NR2F1-AS1: variants seen among roughly 807,000 people sequenced by gnomAD.
NR2F1-AS1 encodes the protein NR2F1 antisense RNA 1.
chr5:93,433,034 A>G (rs781510281), intron 4 of NR2F1-AS1, among the ~76,000 whole-genome samples: 24 of 152,154 alleles, frequency 1.6e-4, no homozygotes, highest in Admixed American at 1.3e-4. Flanking sequence ...GCATTATTCA[A>G]CTTTTAGTAA....
At chr5:93,584,537 C>A (rs1160875360), upstream of NR2F1-AS1, 2 of 149,210 alleles carry the variant, frequency 1.3e-5, no homozygotes, top group African/African-American at 4.9e-5. Flanking sequence ...CGCCCCGCGC[C>A]GCTCCCGGCT....
intron 1 of NR2F1-AS1, among the ~76,000 whole-genome samples, chr5:93,574,747 G>C (rs760464952): frequency 1.3e-5 from 2 of 151,972 alleles, no homozygotes; most frequent in Non-Finnish European, 2.9e-5. Context: ...AAGCCCAACA[G>C]GTCCAGGATT....
chr5:93,501,702 T>C (rs919091670), intron 4 of NR2F1-AS1, among the ~76,000 whole-genome samples: 9 of 152,224 alleles, frequency 5.9e-5, no homozygotes, highest in Non-Finnish European at 1.0e-4. Flanking sequence ...GATGCTATTA[T>C]ATGTACATTG....
intron 4 of NR2F1-AS1, chr5:93,542,052 T>C (rs1217320270): frequency 3.3e-5 from 5 of 150,486 alleles, no homozygotes; most frequent in African/African-American, 2.5e-5. Flanking sequence ...ATTTTATTCA[T>C]TGTGCATTTT....
chr5:93,557,436 T>A (rs1752382858), intron 2 of NR2F1-AS1, among the ~76,000 whole-genome samples: 2 of 152,186 alleles, frequency 1.3e-5, no homozygotes, highest in African/African-American at 4.8e-5. Flanking sequence ...AAAGCAAACA[T>A]TGCACAAAGC....
chr5:93,465,764 G>A (rs1401227038), intron 4 of NR2F1-AS1, among the ~76,000 whole-genome samples: 1 of 152,158 alleles, frequency 6.6e-6, no homozygotes, highest in Non-Finnish European at 1.5e-5. Context: ...ATGAGTTCAT[G>A]TCCTTTGCAG....
At chr5:93,413,445 C>G (rs1458850495) in intron 4 of NR2F1-AS1, among the ~76,000 whole-genome samples, 1 of 152,052 alleles carries the variant, frequency 6.6e-6, no homozygotes, top group Non-Finnish European at 1.5e-5. Context: ...GCTCTCTCAT[C>G]TCTTCAGGGT....
At chr5:93,535,672 T>G (rs1751823843) in intron 4 of NR2F1-AS1, among the ~76,000 whole-genome samples, 1 of 152,126 alleles carries the variant, frequency 6.6e-6, no homozygotes, top group African/African-American at 2.4e-5. Context: ...CAGGTGGGAT[T>G]CATCGTAGAG....
chr5:93,484,224 G>C (rs190032751), intron 4 of NR2F1-AS1, among the ~76,000 whole-genome samples: 2,290 of 152,260 alleles, frequency 0.015, 20 homozygotes, highest in Non-Finnish European at 0.021. Context: ...ACCCACAAAG[G>C]GAAGCCCATC....
At chr5:93,550,206 C>T (rs1016620899) in intron 4 of NR2F1-AS1, among the ~76,000 whole-genome samples, 1 of 151,930 alleles carries the variant, frequency 6.6e-6, no homozygotes, top group Non-Finnish European at 1.5e-5. Flanking sequence ...TTTTCTACTA[C>T]TCAGTTGCCA....
At chr5:93,550,284 AC>A (rs1341391572) in intron 4 of NR2F1-AS1, among the ~76,000 whole-genome samples, 1 of 151,928 alleles carries the variant, frequency 6.6e-6, no homozygotes, top group Admixed American at 6.6e-5. Context: ...AGCAGAGTTG[AC>A]CCCCTTCATT....
At chr5:93,445,606 A>T (rs960397219) in intron 4 of NR2F1-AS1, among the ~76,000 whole-genome samples, 15 of 152,212 alleles carry the variant, frequency 9.9e-5, no homozygotes, top group African/African-American at 3.6e-4. Flanking sequence ...TTCACAGCCG[A>T]ATTCTACCAG....
At chr5:93,513,994 A>C (rs911045438) in intron 4 of NR2F1-AS1, among the ~76,000 whole-genome samples, 1 of 152,124 alleles carries the variant, frequency 6.6e-6, no homozygotes, top group African/African-American at 2.4e-5. Context: ...CATTAATTCT[A>C]ATTACAATAG....
chr5:93,489,877 TG>T (rs1209763579), intron 4 of NR2F1-AS1, among the ~76,000 whole-genome samples: 1 of 152,190 alleles, frequency 6.6e-6, no homozygotes, highest in African/African-American at 2.4e-5. Context: ...GTCAGATGTT[TG>T]GTCTAGATCT....
chr5:93,458,778 G>C (rs1022213997), intron 4 of NR2F1-AS1, among the ~76,000 whole-genome samples: 4 of 152,168 alleles, frequency 2.6e-5, no homozygotes, highest in African/African-American at 9.7e-5. Context: ...GGGAGGCCGA[G>C]GAGAGTGGAT....
At chr5:93,496,113 A>T (rs1750954838) in intron 4 of NR2F1-AS1, 1 of 152,198 alleles carries the variant, frequency 6.6e-6, no homozygotes, top group African/African-American at 2.4e-5. Context: ...CCTACAAGTA[A>T]ATAAAATCAA....
At chr5:93,464,102 G>A (rs915376985) in intron 4 of NR2F1-AS1, among the ~76,000 whole-genome samples, 3 of 152,134 alleles carry the variant, frequency 2.0e-5, no homozygotes, top group Admixed American at 6.5e-5. Context: ...ATCTTGAATT[G>A]TAACTCCCAC....
chr5:93,431,379 C>T (rs966665775), intron 4 of NR2F1-AS1, among the ~76,000 whole-genome samples: 7 of 151,994 alleles, frequency 4.6e-5, no homozygotes, highest in Non-Finnish European at 7.4e-5. Flanking sequence ...TGAAAATAGA[C>T]GGATTTGTGT....
chr5:93,551,122 T>C (rs1752218407), intron 4 of NR2F1-AS1, among the ~76,000 whole-genome samples: 1 of 152,090 alleles, frequency 6.6e-6, no homozygotes, highest in African/African-American at 2.4e-5. Flanking sequence ...CCAGAGTATA[T>C]AATGTCTTCC....
Sources: gnomAD v4.1 joint callset for allele counts (sites outside exome capture counted in the v4.1 genomes callset) on GRCh38, gnomAD v4.1.1 for gene constraint, MANE v1.5 for transcripts, NCBI Gene and HGNC (gene_info 2026-07-23, HGNC 2026-07-21) for gene names.